Variants in PCDHGC3 observed in about 807,000 individuals in gnomAD.
The protein encoded by PCDHGC3 is protocadherin gamma-C3.
In PCDHGC3, 26 loss-of-function variants were observed where a neutral mutation model predicts 59.2. The ratio of observed to expected loss-of-function variants is 0.44; its 90% CI spans 0.32 to 0.61. The LOEUF (loss-of-function observed/expected upper bound fraction) is 0.61. Ranked by LOEUF, PCDHGC3 falls within the 20% of genes least tolerant of loss-of-function variation. The pLI, the probability that PCDHGC3 is intolerant of heterozygous loss-of-function variation, is 0.05. For missense variants in PCDHGC3, 1,080 were observed against 1,221.8 expected (o/e 0.88, Z 1.73); for synonymous variants, 487 against 519.7 (o/e 0.94, Z 0.86).
At position 141,477,879 on chromosome 5, in the gene PCDHGC3, A is replaced by T. The variant is rs932363258; in HGVS notation, c.1763A>T (p.His588Leu). The T allele has an allele frequency of 3.4e-5, 55 of 1,614,060 alleles. No homozygotes were observed. The highest frequency in any genetic ancestry group is 4.6e-5 in the Non-Finnish European group (54 of 1,180,034). ...CTGCCTCGAGGTACCTCAGCTGGCCACCTAGTGTCACGGGTGGTAGGCTGG... is the reference window on the plus strand; with the variant it reads ...CTGCCTCGAGGTACCTCAGCTGGCCTCCTAGTGTCACGGGTGGTAGGCTGG... The part of the protein sequence containing the change: ...EMLPRGTSAG[H>L]LVSRVVGWDA... The change falls in exon 1 of 4, where the codon CAC (histidine) becomes CTC (leucine). Residue 588 changes from histidine (H) to leucine (L), a missense_variant. By Grantham distance (99) the His-to-Leu change is moderately conservative. Coordinates refer to ENST00000308177, the MANE Select transcript of PCDHGC3 (RefSeq NM_002588.4). This position sits in a 1 kb window ranked among gnomAD's most constrained non-coding sequence, Gnocchi z 4.9.
At position 141,477,529 on chromosome 5, in the gene PCDHGC3, C is replaced by G; in HGVS notation, c.1413C>G (p.Leu471=). ...SYDVYIEENN[L]PGAPILNLSV... is the part of the protein sequence containing the mutation. ...ACGTTTACATTGAAGAAAACAACCT[C>G]CCCGGGGCTCCAATACTAAACCTAA... Residue 471 remains leucine, a synonymous_variant, in exon 1 of 4, where the codon CTC becomes CTG. Transcript: ENST00000308177. The surrounding 1 kb of genome is among the most constrained non-coding windows in gnomAD (Gnocchi z 4.9). 6.2e-7 allele frequency: 1 copy of G among 1,614,172 alleles called. No homozygotes were observed. The highest frequency in any genetic ancestry group is 8.5e-7 in the Non-Finnish European group (1 of 1,180,032).
intron 2 of PCDHGC3, among the ~76,000 whole-genome samples, chr5:141,500,046 T>C (rs959260262): frequency 1.3e-5 from 2 of 152,098 alleles, no homozygotes; most frequent in African/African-American, 4.8e-5. Context: ...TTAAGTATCT[T>C]AATGCTCTTT....
At chr5:141,502,488 T>A (rs1273845698) in intron 2 of PCDHGC3, among the ~76,000 whole-genome samples, 1 of 152,236 alleles carries the variant, frequency 6.6e-6, no homozygotes, top group Non-Finnish European at 1.5e-5. Context: ...ACACTGGGAC[T>A]CATCTAACGT....
Position 141,490,795 on chromosome 5 carries a change from C to G in PCDHGC3, c.2431-4012C>G. The G allele has an allele frequency of 6.2e-7, 1 of 1,614,036 alleles. No homozygotes were observed. The highest frequency in any genetic ancestry group is 1.1e-5 in the South Asian group (1 of 91,084). Reference sequence around the variant, plus strand: ...CCCAGAGGATGGACGGATCTTTGCCCAGCGTACCTTTGACTATGAATTGCT... The same window carrying G: ...CCCAGAGGATGGACGGATCTTTGCCGAGCGTACCTTTGACTATGAATTGCT... On this transcript the variant is annotated intron_variant, in intron 1 of 3. Transcript: ENST00000308177. This position sits in a 1 kb window ranked among gnomAD's most constrained non-coding sequence, Gnocchi z 5.4.
rs758132181 is a variant in PCDHGC3, at chr5:141,486,827, C to T, written c.2431-7980C>T. On this transcript the variant is annotated intron_variant, in intron 1 of 3. Coordinates refer to ENST00000308177, the MANE Select transcript of PCDHGC3 (RefSeq NM_002588.4). This position sits in a 1 kb window ranked among gnomAD's most constrained non-coding sequence, Gnocchi z 5.0. The stretch of plus-strand genomic sequence containing the variant: ...ACCCCTTAGCAGCACTGTAACAGTT[C>T]GTCTATTTGTGCTGGACCTCAATGA... 10 of 1,614,110 alleles carry T rather than the reference C, an allele frequency of 6.2e-6. No individual in the cohort carries two copies. The African/African-American group carries it at 8.0e-5, about 13-fold the overall frequency.
Position 141,476,480 on chromosome 5 carries a change from G to A in PCDHGC3, c.364G>A (p.Glu122Lys), listed in dbSNP as rs761828753. 1 of 1,614,108 alleles carries A rather than the reference G, an allele frequency of 6.2e-7. No individual in the cohort carries two copies. The highest frequency in any genetic ancestry group is 2.2e-5 in the East Asian group (1 of 44,846). The change falls in exon 1 of 4, where the codon GAA (glutamate) becomes AAA (lysine). Residue 122 changes from glutamate to lysine, a missense_variant. Transcript: ENST00000308177. This position sits in a 1 kb window ranked among gnomAD's most constrained non-coding sequence, Gnocchi z 7.6. ...VENPLELFSV[E>K]VVIQDINDNN... ...GAACCCGCTGGAGCTGTTCAGCGTG[G>A]AAGTGGTGATCCAGGACATCAACGA...
chr5:141,491,612 G>C lies in PCDHGC3; in HGVS notation c.2431-3195G>C, dbSNP rs759955730. 1 of 1,613,906 alleles carries C rather than the reference G, an allele frequency of 6.2e-7. No individual in the cohort carries two copies. Among genetic ancestry groups the C allele is most frequent in the South Asian group, 1.1e-5 (1 of 91,080 alleles). ...GACGGCAGTGACTTCACTTTTCTAA[G>C]ACCCCTCAGCGTTCAGCAGCCCACA... On this transcript the variant is annotated intron_variant, in intron 1 of 3. Transcript: ENST00000308177. The surrounding 1 kb of genome is among the most constrained non-coding windows in gnomAD (Gnocchi z 6.9).
intron 2 of PCDHGC3, among the ~76,000 whole-genome samples, chr5:141,497,219 A>G (rs974609491): frequency 6.7e-6 from 1 of 149,602 alleles, no homozygotes; most frequent in South Asian, 2.1e-4. Context: ...TGGGGGGGGG[A>G]AGATCAGAGA....
At position 141,477,591 on chromosome 5, in the gene PCDHGC3, T is replaced by C; in HGVS notation, c.1475T>C (p.Leu492Pro). Residue 492 changes from leucine (L) to proline (P), a missense_variant, in exon 1 of 4, where the codon CTT becomes CCT. Coordinates refer to ENST00000308177, the MANE Select transcript of PCDHGC3 (RefSeq NM_002588.4). This position sits in a 1 kb window ranked among gnomAD's most constrained non-coding sequence, Gnocchi z 4.9. ...WDPDAPQNAR[L>P]SFFLLEQGAE... Reference sequence around the variant, plus strand: ...CCCGACGCCCCGCAGAATGCTCGGCTTTCTTTCTTTCTCTTGGAGCAAGGA... The same window carrying C: ...CCCGACGCCCCGCAGAATGCTCGGCCTTCTTTCTTTCTCTTGGAGCAAGGA... The C allele has an allele frequency of 6.2e-7, 1 of 1,614,136 alleles. No homozygotes were observed. The highest frequency in any genetic ancestry group is 8.5e-7 in the Non-Finnish European group (1 of 1,180,016).
At chr5:141,488,260 G>A (rs1297588710) in intron 1 of PCDHGC3, among the ~76,000 whole-genome samples, 2 of 152,182 alleles carry the variant, frequency 1.3e-5, no homozygotes, top group Non-Finnish European at 1.5e-5. Context: ...AGGTTGGGGC[G>A]GGTTGGTCAT....
At position 141,487,790 on chromosome 5, in the gene PCDHGC3, C is replaced by T. The variant is rs1360781901; in HGVS notation, c.2431-7017C>T. 6.6e-7 allele frequency: 1 copy of T among 1,511,992 alleles called. No individual in the cohort carries two copies. Among genetic ancestry groups the T allele is most frequent in the Non-Finnish European group, 8.9e-7 (1 of 1,120,458 alleles). The allele number at this position is 1,511,992 out of a possible 1,614,324, so 93.7% of individuals were successfully genotyped here. ...GCTTTGTAACTGTTTCGTGAATTAA[C>T]CAGAGTTGTCACAGTTTAGCATTGG... On this transcript the variant is annotated intron_variant, in intron 1 of 3. Coordinates refer to ENST00000308177, the MANE Select transcript of PCDHGC3 (RefSeq NM_002588.4). This position sits in a 1 kb window ranked among gnomAD's most constrained non-coding sequence, Gnocchi z 5.0.
rs1458508114 is a variant in PCDHGC3, at chr5:141,489,523, C to T, written c.2431-5284C>T. ...GAATCAAAAGATTGACCGAGAAAGC[C>T]TATGTGGAGCCAGCACCAGCTGCCT... On this transcript the variant is annotated intron_variant, in intron 1 of 3. Transcript: ENST00000308177. This position sits in a 1 kb window ranked among gnomAD's most constrained non-coding sequence, Gnocchi z 4.5. The T allele has an allele frequency of 3.5e-5, 56 of 1,614,006 alleles. No homozygotes were observed. The highest frequency in any genetic ancestry group is 4.5e-5 in the Non-Finnish European group (53 of 1,180,044).
intron 2 of PCDHGC3, among the ~76,000 whole-genome samples, chr5:141,502,135 G>A (rs1254187943): frequency 6.6e-6 from 1 of 152,154 alleles, no homozygotes; most frequent in East Asian, 1.9e-4. Context: ...GAGCTCAGTC[G>A]GGCCGGAAGT....
In PCDHGC3 at chr5:141,485,368, G is replaced by T. The variant is rs2154580406; in HGVS notation, c.2430+6822G>T. On this transcript the variant is annotated intron_variant, in intron 1 of 3. Coordinates refer to ENST00000308177, the MANE Select transcript of PCDHGC3 (RefSeq NM_002588.4). This position sits in a 1 kb window ranked among gnomAD's most constrained non-coding sequence, Gnocchi z 5.7. Reference sequence around the variant, plus strand: ...ACAGTCTGTCAGCTCGCAGGCTGCAGGTCGCTGGAGAGGTGAACCAAAGAC... The same window carrying T: ...ACAGTCTGTCAGCTCGCAGGCTGCATGTCGCTGGAGAGGTGAACCAAAGAC... The T allele has an allele frequency of 6.2e-7, 1 of 1,614,144 alleles. No individual in the cohort carries two copies. The highest frequency in any genetic ancestry group is 2.2e-5 in the East Asian group (1 of 44,866).
In PCDHGC3 at chr5:141,501,310, C is replaced by T. The variant is rs958976594; in HGVS notation, c.2490-4083C>T. ...CCTTATACACACACACACACACACA[C>T]ACACACACACACACACACACACACC... On this transcript the variant is annotated intron_variant, in intron 2 of 3. Transcript: ENST00000308177. Among the ~76,000 whole-genome samples, 4 of 151,684 alleles carry T rather than the reference C, an allele frequency of 2.6e-5. No individual in the cohort carries two copies. The South Asian group carries it at 8.3e-4, about 32-fold the overall frequency.
rs758181180 is a variant in PCDHGC3 at position 141,485,483 on chromosome 5, G to T, written c.2430+6937G>T. The T allele has an allele frequency of 1.9e-6, 3 of 1,614,106 alleles. No homozygotes were observed. The highest frequency in any genetic ancestry group is 2.5e-6 in the Non-Finnish European group (3 of 1,180,022). ...GTGTGGGCTCAGTGCCAGCTGCATC[G>T]TGCCCCTGGAGTTTGTCACCGAAGG... On this transcript the variant is annotated intron_variant, in intron 1 of 3. Coordinates refer to ENST00000308177, the MANE Select transcript of PCDHGC3 (RefSeq NM_002588.4). The surrounding 1 kb of genome is among the most constrained non-coding windows in gnomAD (Gnocchi z 5.7).
In PCDHGC3 at chr5:141,511,007, G is replaced by C. The variant is rs780918754; in HGVS notation, c.2639G>C (p.Arg880Pro). Residue 880 changes from arginine to proline, a missense_variant, in exon 4 of 4, where the codon CGC (arginine) becomes CCC (proline). Physicochemically the swap from Arg to Pro is moderately radical, Grantham distance 103. Coordinates refer to ENST00000308177, the MANE Select transcript of PCDHGC3 (RefSeq NM_002588.4). Reference protein sequence around the residue: ...GGAGTMGLSARYGPQFTLQHV... With the variant: ...GGAGTMGLSAPYGPQFTLQHV... ...GCCGGCACCATGGGATTGAGCGCCC[G>C]CTACGGACCCCAGTTCACCCTGCAG... The C allele has an allele frequency of 1.9e-6, 3 of 1,614,042 alleles. No homozygotes were observed. The highest frequency in any genetic ancestry group is 2.7e-5 in the African/African-American group (2 of 74,910).
Position 141,476,745 on chromosome 5 carries a change from T to C in PCDHGC3, c.629T>C (p.Leu210Pro), listed in dbSNP as rs1372622323. 6.2e-7 allele frequency: 1 copy of C among 1,613,958 alleles called. No individual in the cohort carries two copies. The change falls in exon 1 of 4, where the codon CTC becomes CCC. Residue 210 changes from leucine to proline, a missense_variant. By Grantham distance (98) the Leu-to-Pro change is moderately conservative. Coordinates refer to ENST00000308177, the MANE Select transcript of PCDHGC3 (RefSeq NM_002588.4). This position sits in a 1 kb window ranked among gnomAD's most constrained non-coding sequence, Gnocchi z 7.6. The stretch of plus-strand genomic sequence containing the variant: ...CTGGACCGAGAACGGGAGCCTAGTC[T>C]CCAGTTAGTGCTGACGGCGTTGGAC... ...RALDREREPS[L>P]QLVLTALDGG...
intron 1 of PCDHGC3, among the ~76,000 whole-genome samples, chr5:141,492,920 G>A (rs2099745093): frequency 6.6e-6 from 1 of 152,198 alleles, no homozygotes; most frequent in African/African-American, 2.4e-5. Context: ...TGTGCCCAGC[G>A]ATCTAGGGTC....
Sources: allele counts gnomAD v4.1 joint callset (sites outside exome capture counted in the v4.1 genomes callset), GRCh38; gene constraint gnomAD v4.1.1; non-coding constraint Gnocchi (gnomAD v3.1); transcripts MANE v1.5; gene names NCBI Gene and HGNC (gene_info 2026-07-23, HGNC 2026-07-21).